Variants in CDH10 observed in about 807,000 individuals in gnomAD.
CDH10 encodes the protein cadherin 10.
In CDH10, 30 loss-of-function variants were observed where a neutral mutation model predicts 73.1. The observed-to-expected ratio is 0.41, with a 90% CI of 0.31 to 0.56. The LOEUF (loss-of-function observed/expected upper bound fraction) is 0.56. CDH10 is among the 20% of genes least tolerant of loss of function. CDH10 has a pLI of 0.27. For synonymous variants in CDH10, 345 were observed against 348.2 expected (o/e 0.99, Z 0.10); for missense variants, 815 against 973.7 (o/e 0.84, Z 2.17).
chr5:24,640,794 C>A (rs1378544973), intron 1 of CDH10, among the ~76,000 whole-genome samples: 1 of 151,572 alleles, frequency 6.6e-6, no homozygotes, highest in Non-Finnish European at 1.5e-5. Context: ...AATGTTTAAC[C>A]AATGTCTCTT....
intron 1 of CDH10, among the ~76,000 whole-genome samples, chr5:24,597,782 A>G (rs1746421860): frequency 6.6e-6 from 1 of 152,004 alleles, no homozygotes; most frequent in African/African-American, 2.4e-5. Flanking sequence ...CACAGAATAT[A>G]ATATAATGGG....
At chr5:24,633,954 T>G (rs1747787996) in intron 1 of CDH10, among the ~76,000 whole-genome samples, 1 of 151,844 alleles carries the variant, frequency 6.6e-6, no homozygotes, top group Admixed American at 6.6e-5. Context: ...TTATTTTCCC[T>G]CTGGACAAGT....
At chr5:24,520,305 C>T (rs1368769545) in intron 5 of CDH10, among the ~76,000 whole-genome samples, 1 of 151,990 alleles carries the variant, frequency 6.6e-6, no homozygotes, top group East Asian at 1.9e-4. Flanking sequence ...AAAATGTGAG[C>T]TATACTTATA....
intron 2 of CDH10, among the ~76,000 whole-genome samples, chr5:24,592,107 AC>A (rs963956190): frequency 9.9e-5 from 15 of 151,974 alleles, no homozygotes; most frequent in Admixed American, 8.5e-4. Flanking sequence ...TTTCTAGTCA[AC>A]ATGATATTTA....
intron 2 of CDH10, among the ~76,000 whole-genome samples, chr5:24,574,013 T>G (rs1490146027): frequency 6.6e-6 from 1 of 151,370 alleles, no homozygotes; most frequent in Non-Finnish European, 1.5e-5. Flanking sequence ...ACCTCCCGAG[T>G]AGCTGGGACT....
intron 1 of CDH10, among the ~76,000 whole-genome samples, chr5:24,623,773 G>A (rs1747394291): frequency 6.6e-6 from 1 of 152,188 alleles, no homozygotes; most frequent in Non-Finnish European, 1.5e-5. Flanking sequence ...TGCAGGGTGA[G>A]CTGTTTTTAA....
intron 9 of CDH10, among the ~76,000 whole-genome samples, chr5:24,497,965 T>C (rs1407686350): frequency 2.0e-5 from 3 of 152,214 alleles, no homozygotes; most frequent in African/African-American, 7.2e-5. Context: ...AAACCGTATC[T>C]GCACACATCA....
chr5:24,609,436 G>A (rs1027858284), intron 1 of CDH10, among the ~76,000 whole-genome samples: 9 of 152,136 alleles, frequency 5.9e-5, no homozygotes, highest in Admixed American at 2.6e-4. Context: ...TCCAGTGTGC[G>A]CTGAAGATGT....
intron 2 of CDH10, among the ~76,000 whole-genome samples, chr5:24,566,695 C>T (rs999651205): frequency 2.6e-5 from 4 of 151,682 alleles, no homozygotes; most frequent in African/African-American, 4.9e-5. Context: ...TATTATTATG[C>T]TATATACAAA....
At chr5:24,592,171 G>A (rs527342426) in intron 2 of CDH10, among the ~76,000 whole-genome samples, 1 of 151,870 alleles carries the variant, frequency 6.6e-6, no homozygotes, top group Admixed American at 6.6e-5. Context: ...GGTCTGAAAT[G>A]AGTGCAATAT....
intron 1 of CDH10, among the ~76,000 whole-genome samples, chr5:24,604,026 C>A (rs1746662221): frequency 6.6e-6 from 1 of 152,054 alleles, no homozygotes; most frequent in Non-Finnish European, 1.5e-5. Context: ...TACATAAAAA[C>A]AATTAATACT....
At chr5:24,581,014 AG>A (rs1413924672) in intron 2 of CDH10, among the ~76,000 whole-genome samples, 2 of 152,182 alleles carry the variant, frequency 1.3e-5, no homozygotes, top group African/African-American at 4.8e-5. Context: ...CTTCACATCA[AG>A]ATCCTTAATT....
intron 1 of CDH10, chr5:24,612,477 A>G (rs923786158): frequency 6.6e-6 from 1 of 152,244 alleles, no homozygotes; most frequent in African/African-American, 2.4e-5. Flanking sequence ...AATATAGAAA[A>G]TGTATTTCAA....
In CDH10 at chr5:24,487,662, G is replaced by A. The variant is rs755023467; in HGVS notation, c.*1C>T. 3.7e-6 allele frequency: 6 copies of A among 1,608,696 alleles called. No homozygotes were observed. In the East Asian group the frequency reaches 8.9e-5, roughly 24 times the overall value. ...TGTTTGAACAGAACATATATCCTAC[G>A]TTAAGAGTCTTTGTCACTTTCCCCA... is the stretch of plus-strand genomic sequence containing the variant. On this transcript the variant is annotated 3_prime_UTR_variant, in exon 12 of 12. Transcript: ENST00000264463.
Position 24,537,704 on chromosome 5 carries a change from G to C in CDH10, c.232-30C>G, listed in dbSNP as rs767165395. The C allele has an allele frequency of 9.1e-5, 128 of 1,411,094 alleles. No homozygotes were observed. The South Asian group carries it at 1.5e-3, about 17-fold the overall frequency. The allele number at this position is 1,411,094 out of a possible 1,614,324, so 87.4% of individuals were successfully genotyped here. On this transcript the variant is annotated intron_variant, in intron 2 of 11. Coordinates refer to ENST00000264463, the MANE Select transcript of CDH10 (RefSeq NM_006727.5). ...GGGAAATAAAAAAGAGTATATCCAT[G>C]ATCATGTATAAAGGTGCAGGATGCT...
At chr5:24,551,731 T>G (rs1226120763) in intron 2 of CDH10, among the ~76,000 whole-genome samples, 1 of 152,170 alleles carries the variant, frequency 6.6e-6, no homozygotes, top group African/African-American at 2.4e-5. Flanking sequence ...TTAATTCCAA[T>G]TTTGTAATGG....
chr5:24,547,215 T>A (rs1744377533), intron 2 of CDH10, among the ~76,000 whole-genome samples: 1 of 152,168 alleles, frequency 6.6e-6, no homozygotes, highest in African/African-American at 2.4e-5. Context: ...ACATCTGTAA[T>A]TTATCTTAAG....
chr5:24,509,933 A>G (rs1742838941), intron 6 of CDH10, 114 bp from the exon 7 acceptor site: 1 of 677,672 alleles, frequency 1.5e-6, no homozygotes, highest in Admixed American at 3.1e-5. Flanking sequence ...TAGTTCATTA[A>G]TTATAAATAA....
chr5:24,642,636 A>T (rs1293109653), intron 1 of CDH10, among the ~76,000 whole-genome samples: 2 of 152,144 alleles, frequency 1.3e-5, no homozygotes, highest in East Asian at 3.9e-4. Flanking sequence ...CCTGCATAGC[A>T]CTGTTCTAAT....
Sources: gnomAD v4.1 joint callset for allele counts (sites outside exome capture counted in the v4.1 genomes callset) on GRCh38, gnomAD v4.1.1 for gene constraint, MANE v1.5 for transcripts, NCBI Gene and HGNC (gene_info 2026-07-23, HGNC 2026-07-21) for gene names.